The following DNER variants were observed in gnomAD, a reference collection of about 807,000 sequenced individuals.
The protein encoded by DNER is delta/notch like EGF repeat containing.
A neutral mutation model predicts 78.2 loss-of-function variants in DNER; 33 were observed. That is an observed-to-expected ratio of 0.42 (90% CI 0.32 to 0.56). DNER has a LOEUF of 0.56. Ranked by LOEUF, DNER falls within the 20% of genes least tolerant of loss-of-function variation. The pLI is 0.11. For synonymous variants in DNER, 417 were observed against 384.8 expected, an observed-to-expected ratio of 1.08 and a Z score of -0.98; for missense variants, 918 against 975.3, an observed-to-expected ratio of 0.94 and a Z score of 0.78.
chr2:229,571,149 C>G (rs1022460070), intron 4 of DNER, among the ~76,000 whole-genome samples: 1 of 151,934 alleles, frequency 6.6e-6, no homozygotes, highest in African/African-American at 2.4e-5. Flanking sequence ...GAAATGAGGT[C>G]AGATGTGAGA....
chr2:229,702,948 C>G (rs1259658554), intron 1 of DNER, among the ~76,000 whole-genome samples: 1 of 146,264 alleles, frequency 6.8e-6, no homozygotes, highest in African/African-American at 2.5e-5. Flanking sequence ...AATCCTGGTT[C>G]TACCTCAGTG....
intron 1 of DNER, among the ~76,000 whole-genome samples, chr2:229,656,985 C>CGTGTGTGTGTGTGTGTGTGTGTGTGT (rs1417445603): frequency 1.3e-4 from 19 of 148,724 alleles, no homozygotes; most frequent in African/African-American, 4.5e-4. Flanking sequence ...ACAGTTACCA[C>CGTGTGTGTGTGTGTGTGTGTGTGTGT]GTGTGTGTGT....
intron 5 of DNER, among the ~76,000 whole-genome samples, chr2:229,523,101 G>A (rs1696133609): frequency 6.6e-6 from 1 of 152,200 alleles, no homozygotes; most frequent in Non-Finnish European, 1.5e-5. Context: ...GGAGCATGAT[G>A]CACTGAGTGG....
chr2:229,402,450 C>T (rs1451111484), intron 10 of DNER, among the ~76,000 whole-genome samples: 1 of 152,184 alleles, frequency 6.6e-6, no homozygotes, highest in Non-Finnish European at 1.5e-5. Flanking sequence ...TGGTATTTTA[C>T]CATAAAAATT....
intron 1 of DNER, chr2:229,701,691 A>C (rs1213840487): frequency 6.6e-6 from 1 of 150,938 alleles, no homozygotes; most frequent in East Asian, 1.9e-4. Flanking sequence ...GAGAATATCT[A>C]CATACAAAAT....
At chr2:229,709,645 T>C (rs1699881724) in intron 1 of DNER, among the ~76,000 whole-genome samples, 1 of 152,182 alleles carries the variant, frequency 6.6e-6, no homozygotes, top group African/African-American at 2.4e-5. Flanking sequence ...ATAAAATCAG[T>C]TTAATAAGTA....
intron 1 of DNER, among the ~76,000 whole-genome samples, chr2:229,709,755 G>C (rs1226513441): frequency 6.6e-6 from 1 of 152,158 alleles, no homozygotes. Flanking sequence ...AGGATCCTTA[G>C]GGAACATGTA....
chr2:229,540,801 C>T (rs2154213055), intron 5 of DNER, among the ~76,000 whole-genome samples: 1 of 152,262 alleles, frequency 6.6e-6, no homozygotes, highest in South Asian at 2.1e-4. Context: ...GAAAATGATG[C>T]CAGCTCAATT....
intron 7 of DNER, among the ~76,000 whole-genome samples, chr2:229,457,770 T>C (rs943611439): frequency 8.0e-6 from 1 of 125,188 alleles, no homozygotes; most frequent in African/African-American, 3.1e-5. Flanking sequence ...TGTCAGACTT[T>C]ATTTGGAAAA....
intron 4 of DNER, among the ~76,000 whole-genome samples, chr2:229,553,835 T>C (rs531388073): frequency 6.6e-6 from 1 of 152,284 alleles, no homozygotes; most frequent in East Asian, 1.9e-4. Flanking sequence ...TCAAATCCCA[T>C]CACTGAGGCT....
intron 7 of DNER, among the ~76,000 whole-genome samples, chr2:229,460,156 CAAAAAAAAAA>C (rs5839331): frequency 9.4e-5 from 8 of 85,508 alleles, no homozygotes; most frequent in Admixed American, 3.4e-4. Flanking sequence ...GACTCCGTCT[CAAAAAAAAAA>C]AAAAAAAAAA....
intron 9 of DNER, among the ~76,000 whole-genome samples, chr2:229,413,505 T>C (rs1693574076): frequency 6.6e-6 from 1 of 151,306 alleles, no homozygotes; most frequent in African/African-American, 2.4e-5. Flanking sequence ...GTATTTTTAG[T>C]AGAGATGGGG....
intron 1 of DNER, among the ~76,000 whole-genome samples, chr2:229,713,260 T>C (rs1365454642): frequency 6.6e-6 from 1 of 152,242 alleles, no homozygotes; most frequent in Non-Finnish European, 1.5e-5. Context: ...GAAATGTTGA[T>C]GTTAATAGGT....
chr2:229,401,923 T>G (rs1473609905), intron 10 of DNER, among the ~76,000 whole-genome samples: 1 of 152,206 alleles, frequency 6.6e-6, no homozygotes, highest in Non-Finnish European at 1.5e-5. Flanking sequence ...AAAGACTGTA[T>G]TTTCAATAAG....
intron 11 of DNER, among the ~76,000 whole-genome samples, chr2:229,368,934 C>A (rs942547713): frequency 6.6e-6 from 1 of 152,128 alleles, no homozygotes; most frequent in African/African-American, 2.4e-5. Flanking sequence ...AGAATGTATT[C>A]CTTTTCCAAT....
At chr2:229,550,429 A>C (rs1320702279) in intron 4 of DNER, among the ~76,000 whole-genome samples, 2 of 152,164 alleles carry the variant, frequency 1.3e-5, no homozygotes, top group African/African-American at 2.4e-5. Flanking sequence ...CACAGTCCCA[A>C]AATGACTTTG....
rs978818591 is a variant in DNER, at chr2:229,504,033, C to T, written c.1147+8750G>A. Among the ~76,000 whole-genome samples, 10 of 151,962 alleles carry T rather than the reference C, an allele frequency of 6.6e-5. No individual in the cohort carries two copies. The South Asian group carries it at 1.2e-3, about 19-fold the overall frequency. ...TGCTGGGATTACAGGCGTGAACTAC[C>T]GTGCCCAGCTGAGTTGTGTATTCTT... On this transcript the variant is annotated intron_variant, in intron 6 of 12. Transcript: ENST00000341772.
chr2:229,641,437 AT>A (rs1218159220), intron 1 of DNER, among the ~76,000 whole-genome samples: 1 of 152,154 alleles, frequency 6.6e-6, no homozygotes, highest in Admixed American at 6.5e-5. Flanking sequence ...AAAGAGTACA[AT>A]TTTTTACACA....
Position 229,477,268 on chromosome 2 carries a change from A to G in DNER, c.1148-15T>C. 6.3e-7 allele frequency: 1 copy of G among 1,590,158 alleles called. No homozygotes were observed. The highest frequency in any genetic ancestry group is 8.6e-7 in the Non-Finnish European group (1 of 1,161,832). The stretch of plus-strand genomic sequence containing the variant: ...TCCAGTATAACCTGAATAAAACAAA[A>G]TGTACATTTTATAAAATAAGCTCTT... On this transcript the variant is annotated splice_polypyrimidine_tract_variant and intron_variant, in intron 6 of 12. Transcript: ENST00000341772.
Sources: allele counts gnomAD v4.1 joint callset (sites outside exome capture counted in the v4.1 genomes callset), GRCh38; gene constraint gnomAD v4.1.1; transcripts MANE v1.5; gene names NCBI Gene and HGNC (gene_info 2026-07-23, HGNC 2026-07-21).